CDC42BPA: variants seen among roughly 807,000 people sequenced by gnomAD.
CDC42BPA encodes CDC42 binding protein kinase alpha, also known as serine/threonine-protein kinase MRCK alpha.
CDC42BPA carries 80 observed loss-of-function variants against 223.5 expected under a neutral mutation model. The observed-to-expected ratio is 0.36, with a 90% CI of 0.30 to 0.43. The LOEUF (loss-of-function observed/expected upper bound fraction) is 0.43. Ranked by LOEUF, CDC42BPA falls within the 20% of genes least tolerant of loss-of-function variation. The probability of loss-of-function intolerance (pLI) is 1.00; values close to 1 mark genes in which losing one functional copy is unlikely to be tolerated. For missense variants in CDC42BPA, 1,743 were observed against 2,099.9 expected, an observed-to-expected ratio of 0.83 and a Z score of 3.32; for synonymous variants, 694 against 718.6, an observed-to-expected ratio of 0.97 and a Z score of 0.55.
intron 2 of CDC42BPA, among the ~76,000 whole-genome samples, chr1:227,242,327 C>A (rs1252458346): frequency 2.6e-5 from 4 of 152,028 alleles, no homozygotes; most frequent in Non-Finnish European, 5.9e-5. Context: ...AAATGCTGAA[C>A]ACTTTCTCCT....
chr1:227,085,891 T>C (rs933465513), intron 16 of CDC42BPA, among the ~76,000 whole-genome samples: 5 of 152,206 alleles, frequency 3.3e-5, no homozygotes, highest in African/African-American at 1.2e-4. Flanking sequence ...ACTTGAATGA[T>C]TTTTAGCAAA....
intron 17 of CDC42BPA, among the ~76,000 whole-genome samples, chr1:227,080,253 A>G (rs1680358355): frequency 6.9e-6 from 1 of 144,528 alleles, no homozygotes; most frequent in Admixed American, 7.2e-5. Context: ...TTTACTTGGA[A>G]ATACAGTCTT....
At chr1:227,119,189 G>T (rs1360433131) in intron 12 of CDC42BPA, among the ~76,000 whole-genome samples, 3 of 152,102 alleles carry the variant, frequency 2.0e-5, no homozygotes, top group Non-Finnish European at 4.4e-5. Context: ...AAGTCACGGT[G>T]CTTAGCAGCA....
chr1:227,186,606 A>C (rs1255585266), intron 5 of CDC42BPA, among the ~76,000 whole-genome samples: 1 of 152,160 alleles, frequency 6.6e-6, no homozygotes, highest in African/African-American at 2.4e-5. Flanking sequence ...ATTGGGACCT[A>C]ATCATAGGAC....
At chr1:227,175,859 CG>C (rs1558679579) in intron 5 of CDC42BPA, among the ~76,000 whole-genome samples, 2 of 152,142 alleles carry the variant, frequency 1.3e-5, no homozygotes, top group African/African-American at 2.4e-5. Context: ...AGTAGGAAAT[CG>C]TATGTGAGGA....
chr1:226,994,638 G>A lies in CDC42BPA; in HGVS notation c.5133+185C>T, dbSNP rs1224966359. Among the ~76,000 whole-genome samples, 2 of 152,174 alleles carry A rather than the reference G, an allele frequency of 1.3e-5. No individual in the cohort carries two copies. Among genetic ancestry groups the A allele is most frequent in the East Asian group, 1.9e-4 (1 of 5,196 alleles). ...TCACACAAAAGCCAGAAGTCTGAAT[G>A]CCTCTGGGAAAACTGCAGTTTGCAG... On this transcript the variant is annotated intron_variant, in intron 36 of 36. Transcript: ENST00000366766. The surrounding 1 kb of genome is among the most constrained non-coding windows in gnomAD (Gnocchi z 4.0).
At chr1:227,148,495 T>C (rs1661089558) in intron 6 of CDC42BPA, among the ~76,000 whole-genome samples, 1 of 152,144 alleles carries the variant, frequency 6.6e-6, no homozygotes, top group Admixed American at 6.5e-5. Flanking sequence ...TAGGATAAAC[T>C]TACATTTTAG....
At chr1:227,181,548 T>C (rs1399866024) in intron 5 of CDC42BPA, among the ~76,000 whole-genome samples, 1 of 152,252 alleles carries the variant, frequency 6.6e-6, no homozygotes. Flanking sequence ...TATTTTCTTT[T>C]ATTTTATATG....
At chr1:227,031,565 T>G (rs753782639) in intron 27 of CDC42BPA, 51 bp from the exon 28 acceptor site, 1 of 1,433,622 alleles carries the variant, frequency 7.0e-7, no homozygotes, top group African/African-American at 1.4e-5. Flanking sequence ...ACACCCTTTA[T>G]GCTAGTTTCA....
chr1:227,314,042 C>T (rs66738032), intron 1 of CDC42BPA, among the ~76,000 whole-genome samples: 46,743 of 151,752 alleles, frequency 0.31, 7,378 homozygotes, highest in East Asian at 0.37. Flanking sequence ...AATAATTCCC[C>T]AAAATTCCAA....
At chr1:227,231,535 C>G (rs1305608969) in intron 2 of CDC42BPA, among the ~76,000 whole-genome samples, 2 of 152,030 alleles carry the variant, frequency 1.3e-5, no homozygotes, top group African/African-American at 2.4e-5. Context: ...ATTTCTAGTT[C>G]TAGATACCTG....
At chr1:227,070,599 G>C (rs1440278670) in intron 20 of CDC42BPA, among the ~76,000 whole-genome samples, 1 of 151,782 alleles carries the variant, frequency 6.6e-6, no homozygotes, top group Non-Finnish European at 1.5e-5. Context: ...ATATAACACA[G>C]TTATCAGGTA....
In CDC42BPA at chr1:227,147,429, A is replaced by G; in HGVS notation, c.824T>C (p.Met275Thr). The change falls in exon 7 of 37, where the codon ATG (methionine) becomes ACG (threonine). Residue 275 changes from methionine to threonine, a missense_variant. Transcript: ENST00000366766. ...ATAAAATGGTGTTTCTCCGTAAAGCATTTCATACATACAGACCCCCAAAGA... is the reference window on the plus strand; with the variant it reads ...ATAAAATGGTGTTTCTCCGTAAAGCGTTTCATACATACAGACCCCCAAAGA... ...WWSLGVCMYE[M>T]LYGETPFYAE... is the part of the protein sequence containing the mutation. 2 of 1,613,538 alleles carry G rather than the reference A, an allele frequency of 1.2e-6. No individual in the cohort carries two copies. The highest frequency in any genetic ancestry group is 1.7e-6 in the Non-Finnish European group (2 of 1,179,738).
chr1:227,202,816 G>C (rs1672020135), intron 3 of CDC42BPA, among the ~76,000 whole-genome samples: 1 of 150,538 alleles, frequency 6.6e-6, no homozygotes, highest in Non-Finnish European at 1.5e-5. Flanking sequence ...TGTAGTCCTA[G>C]CTACTTGGAA....
Position 227,101,170 on chromosome 1 carries a change from T to C in CDC42BPA, c.2071A>G (p.Thr691Ala), listed in dbSNP as rs1312568156. Reference sequence around the variant, plus strand: ...AAGATACTTTTCTTTTCCAAATCAGTCTTTAGTTTGGTTATCTCTTGCTGA... The same window carrying C: ...AAGATACTTTTCTTTTCCAAATCAGCCTTTAGTTTGGTTATCTCTTGCTGA... ...EHQQEITKLK[T>A]DLEKKSIFYE... Residue 691 changes from threonine to alanine, a missense_variant, in exon 15 of 37, where the codon ACT becomes GCT. Physicochemically the swap from Thr to Ala is moderately conservative, Grantham distance 58. Around this residue, in one of 6 missense-constraint regions of CDC42BPA, gnomAD observed 464 missense variants for 488.0 expected, o/e 0.95. Coordinates refer to ENST00000366766, the MANE Select transcript of CDC42BPA (RefSeq NM_001394014.1). 1 of 1,593,348 alleles carries C rather than the reference T, an allele frequency of 6.3e-7. No individual in the cohort carries two copies. Among genetic ancestry groups the C allele is most frequent in the Non-Finnish European group, 8.6e-7 (1 of 1,161,968 alleles).
At position 227,316,580 on chromosome 1, in the gene CDC42BPA, C is replaced by T. The variant is rs142165118; in HGVS notation, c.178+425G>A. Among the ~76,000 whole-genome samples, 44 of 152,350 alleles carry T rather than the reference C, an allele frequency of 2.9e-4. No homozygotes were observed. The East Asian group carries it at 7.5e-3, about 26-fold the overall frequency. On this transcript the variant is annotated intron_variant, in intron 1 of 36. Coordinates refer to ENST00000366766, the MANE Select transcript of CDC42BPA (RefSeq NM_001394014.1). The stretch of plus-strand genomic sequence containing the variant: ...GCTTTCTGTTGACCTAAGGCAAACA[C>T]AGATATTTTAATATCTCCTCCTATT...
At chr1:227,187,681 C>CTG (rs1553383586) in intron 5 of CDC42BPA, among the ~76,000 whole-genome samples, 1 of 62,484 alleles carries the variant, frequency 1.6e-5, no homozygotes, top group Non-Finnish European at 3.0e-5. Context: ...CACCCCCCAC[C>CTG]CCCCCCCCAA....
intron 9 of CDC42BPA, among the ~76,000 whole-genome samples, chr1:227,141,550 G>C (rs1395152625): frequency 6.6e-6 from 1 of 152,180 alleles, no homozygotes; most frequent in East Asian, 1.9e-4. Context: ...GGTAAATATG[G>C]TAACTGGAGC....
intron 5 of CDC42BPA, chr1:227,180,489 G>A (rs1302053512): frequency 1.3e-5 from 2 of 152,072 alleles, no homozygotes; most frequent in South Asian, 2.1e-4. Flanking sequence ...CAATCAAAAT[G>A]GCTTCTAATA....
Sources: gnomAD v4.1 joint callset for allele counts (sites outside exome capture counted in the v4.1 genomes callset) on GRCh38, gnomAD v4.1.1 for gene constraint, gnomAD v4.1.1 regional missense constraint, Gnocchi (gnomAD v3.1) non-coding constraint, MANE v1.5 for transcripts, NCBI Gene and HGNC (gene_info 2026-07-23, HGNC 2026-07-21) for gene names.